The following INPP4B variants were observed in gnomAD, a reference collection of about 807,000 sequenced individuals.
INPP4B encodes inositol polyphosphate-4-phosphatase type II B, also known as inositol polyphosphate 4-phosphatase type II.
Under a neutral mutation model 122.5 loss-of-function variants are expected in INPP4B, and 55 were observed. The observed-to-expected ratio is 0.45, with a 90% confidence interval of 0.36 to 0.56. The LOEUF is 0.56. INPP4B is among the 20% of genes least tolerant of loss of function. The pLI is 0.00. For synonymous variants in INPP4B, 403 were observed against 388.7 expected (o/e 1.04, Z -0.43); for missense variants, 1,000 against 1,097.7 (o/e 0.91, Z 1.26).
intron 5 of INPP4B, among the ~76,000 whole-genome samples, chr4:142,419,253 T>C (rs1452083810): frequency 6.6e-6 from 1 of 152,078 alleles, no homozygotes; most frequent in Admixed American, 6.6e-5. Context: ...GCCAGTTGAA[T>C]ATGGAAGTAG....
chr4:142,703,537 T>A (rs997698434), intron 2 of INPP4B, among the ~76,000 whole-genome samples: 2 of 152,044 alleles, frequency 1.3e-5, no homozygotes, highest in Non-Finnish European at 2.9e-5. Flanking sequence ...TAGTGATGAG[T>A]CCAGGGAGTC....
intron 11 of INPP4B, among the ~76,000 whole-genome samples, chr4:142,247,441 T>C (rs559072556): frequency 6.6e-6 from 1 of 152,302 alleles, no homozygotes; most frequent in Non-Finnish European, 1.5e-5. Context: ...TTTTGGTTGG[T>C]AGGCTATTAA....
At chr4:142,041,590 C>T (rs1196380999) in intron 25 of INPP4B, among the ~76,000 whole-genome samples, 4 of 152,176 alleles carry the variant, frequency 2.6e-5, no homozygotes, top group African/African-American at 9.6e-5. Context: ...TGCACTCCAG[C>T]CTGGGCAACA....
At position 142,052,814 on chromosome 4, in the gene INPP4B, TC is replaced by T. The variant is rs1755408579; in HGVS notation, c.2643-23901del. On this transcript the variant is annotated intron_variant, in intron 25 of 25. Transcript: ENST00000262992. ...TATTTGGGACAATTGGCCTAGGTAC[TC>T]TCTATAAGCCCACAGTCTATTCTAC... Among the ~76,000 whole-genome samples the T allele has an allele frequency of 2.0e-5, 3 of 152,174 alleles. No individual in the cohort carries two copies. In the South Asian group the frequency reaches 6.2e-4, roughly 32 times the overall value.
At chr4:142,491,424 C>G (rs1560717660) in intron 2 of INPP4B, among the ~76,000 whole-genome samples, 1 of 152,162 alleles carries the variant, frequency 6.6e-6, no homozygotes, top group Non-Finnish European at 1.5e-5. Context: ...GAGGCCAAGG[C>G]AGGTGAATCA....
chr4:142,783,322 AAAAC>A (rs1181340020), intron 1 of INPP4B, among the ~76,000 whole-genome samples: 2 of 152,182 alleles, frequency 1.3e-5, no homozygotes, highest in Admixed American at 6.6e-5. Context: ...TTACAAGAAA[AAAAC>A]AAACAACCCC....
chr4:142,724,029 A>G (rs2150853235), intron 2 of INPP4B, among the ~76,000 whole-genome samples: 1 of 152,244 alleles, frequency 6.6e-6, no homozygotes, highest in South Asian at 2.1e-4. Context: ...TCACCTTGGG[A>G]GTTGTATCAT....
intron 2 of INPP4B, among the ~76,000 whole-genome samples, chr4:142,487,722 T>C (rs1464485962): frequency 5.9e-5 from 9 of 152,146 alleles, no homozygotes; most frequent in Non-Finnish European, 1.2e-4. Flanking sequence ...CTAAAATTTA[T>C]TTGCAGATTG....
intron 18 of INPP4B, among the ~76,000 whole-genome samples, chr4:142,143,735 G>A (rs1280488530): frequency 6.6e-6 from 1 of 151,904 alleles, no homozygotes; most frequent in African/African-American, 2.4e-5. Context: ...TTTAGTTAAA[G>A]ACTTACAGAA....
intron 1 of INPP4B, among the ~76,000 whole-genome samples, chr4:142,836,598 A>G (rs571524902): frequency 6.6e-6 from 1 of 152,110 alleles, no homozygotes; most frequent in African/African-American, 2.4e-5. Context: ...ACAACAACAA[A>G]AAAAGTGTTG....
chr4:142,066,866 T>C (rs919992843), intron 25 of INPP4B, among the ~76,000 whole-genome samples: 2 of 152,350 alleles, frequency 1.3e-5, no homozygotes, highest in Admixed American at 6.5e-5. Flanking sequence ...CAAGGAGGCC[T>C]GCCTGTCTCT....
intron 11 of INPP4B, among the ~76,000 whole-genome samples, chr4:142,246,502 G>A (rs1156949947): frequency 6.6e-6 from 1 of 152,014 alleles, no homozygotes; most frequent in Non-Finnish European, 1.5e-5. Context: ...TCCTTGCAGA[G>A]GTCCTTCATA....
intron 7 of INPP4B, among the ~76,000 whole-genome samples, chr4:142,400,104 G>A (rs1364287850): frequency 1.3e-5 from 2 of 152,110 alleles, no homozygotes; most frequent in Non-Finnish European, 2.9e-5. Flanking sequence ...ACAGAGAAAA[G>A]GCCATCATTT....
At chr4:142,378,612 A>C (rs546772570) in intron 7 of INPP4B, among the ~76,000 whole-genome samples, 1 of 152,290 alleles carries the variant, frequency 6.6e-6, no homozygotes, top group South Asian at 2.1e-4. Context: ...ATTAATTGAA[A>C]AGATTCTCTC....
chr4:142,744,020 C>T (rs1326924067), intron 1 of INPP4B, among the ~76,000 whole-genome samples: 3 of 151,782 alleles, frequency 2.0e-5, no homozygotes, highest in African/African-American at 7.3e-5. Context: ...TTTAAATCAA[C>T]TATTTAAACA....
intron 15 of INPP4B, among the ~76,000 whole-genome samples, chr4:142,178,286 C>T (rs1431016636): frequency 6.6e-6 from 1 of 152,140 alleles, no homozygotes; most frequent in African/African-American, 2.4e-5. Flanking sequence ...TATTTCTACA[C>T]TTATTGCAAC....
intron 2 of INPP4B, among the ~76,000 whole-genome samples, chr4:142,595,612 T>C (rs1268615077): frequency 2.0e-5 from 3 of 152,128 alleles, no homozygotes; most frequent in Non-Finnish European, 4.4e-5. Context: ...TTATTTTACT[T>C]TGGGAAAGTA....
chr4:142,753,451 T>C (rs1269834636), intron 1 of INPP4B, among the ~76,000 whole-genome samples: 1 of 152,082 alleles, frequency 6.6e-6, no homozygotes, highest in Non-Finnish European at 1.5e-5. Flanking sequence ...GATGTACTGA[T>C]TGTCATTTCA....
intron 15 of INPP4B, among the ~76,000 whole-genome samples, chr4:142,180,604 G>A (rs1398185937): frequency 6.6e-6 from 1 of 152,132 alleles, no homozygotes; most frequent in African/African-American, 2.4e-5. Flanking sequence ...AGAAATTGAA[G>A]CCTGAGTAGG....
Sources: allele counts gnomAD v4.1 joint callset (sites outside exome capture counted in the v4.1 genomes callset), GRCh38; gene constraint gnomAD v4.1.1; transcripts MANE v1.5; gene names NCBI Gene and HGNC (gene_info 2026-07-23, HGNC 2026-07-21).